PCDHGA6: variants seen among roughly 807,000 people sequenced by gnomAD.
The protein encoded by PCDHGA6 is protocadherin gamma-A6.
A neutral mutation model predicts 60.6 loss-of-function variants in PCDHGA6; 41 were observed. The observed-to-expected ratio is 0.68, with a 90% CI of 0.53 to 0.88. PCDHGA6 has a LOEUF of 0.88. PCDHGA6 is among the 40% of genes least tolerant of loss of function. PCDHGA6 has a pLI of 0.00. For missense variants in PCDHGA6, 1,312 were observed against 1,203.0 expected (o/e 1.09, Z -1.34); for synonymous variants, 594 against 524.4 (o/e 1.13, Z -1.81).
At chr5:141,384,278 A>T in intron 1 of PCDHGA6, 1 of 1,613,842 alleles carries the variant, frequency 6.2e-7, no homozygotes, top group Non-Finnish European at 8.5e-7. Context: ...TACTCAGTCT[A>T]CATCGCTGAG....
intron 1 of PCDHGA6, among the ~76,000 whole-genome samples, chr5:141,457,900 A>C (rs2098931922): frequency 6.7e-6 from 1 of 149,818 alleles, no homozygotes; most frequent in Admixed American, 6.6e-5. Context: ...CTGTGTAGAC[A>C]AGGTGTGAGG....
intron 1 of PCDHGA6, chr5:141,404,273 C>G (rs751189949): frequency 6.2e-7 from 1 of 1,613,870 alleles, no homozygotes; most frequent in African/African-American, 1.3e-5. Flanking sequence ...CATCACCCTG[C>G]AAGTGACTGA....
intron 1 of PCDHGA6, chr5:141,478,565 T>C (rs772519746): frequency 1.6e-5 from 25 of 1,593,862 alleles, no homozygotes; most frequent in Non-Finnish European, 2.0e-5. Flanking sequence ...TAGCAAGTCA[T>C]GCTTGACCCT....
At position 141,395,150 on chromosome 5, in the gene PCDHGA6, C is replaced by T. The variant is rs368875505; in HGVS notation, c.2424+18643C>T. ...CCCAGCCCAACTACGCAGACATGCT[C>T]ATCAGTCAGGAGGGCTGTGAGAAAA... On this transcript the variant is annotated intron_variant, in intron 1 of 3. Transcript: ENST00000517434. 8 of 1,614,044 alleles carry T rather than the reference C, an allele frequency of 5.0e-6. No individual in the cohort carries two copies. In the African/African-American group the frequency reaches 6.7e-5, roughly 13 times the overall value.
chr5:141,408,878 G>A lies in PCDHGA6; in HGVS notation c.2424+32371G>A. The stretch of plus-strand genomic sequence containing the variant: ...AGGGGACCCACCAAGAAGTGCCACC[G>A]CTCACATAGAAATTTCTGTCAAGGA... On this transcript the variant is annotated intron_variant, in intron 1 of 3. Coordinates refer to ENST00000517434, the MANE Select transcript of PCDHGA6 (RefSeq NM_018919.3). 1.9e-6 allele frequency: 3 copies of A among 1,613,048 alleles called. No homozygotes were observed. Among genetic ancestry groups the A allele is most frequent in the Non-Finnish European group, 1.7e-6 (2 of 1,179,590 alleles).
chr5:141,468,339 A>G (rs1320544911), intron 1 of PCDHGA6: 2 of 151,348 alleles, frequency 1.3e-5, no homozygotes, highest in Non-Finnish European at 2.9e-5. Context: ...TCAAAAAAAA[A>G]AAAAAAAAAA....
chr5:141,421,040 C>T (rs2096541229), intron 1 of PCDHGA6: 1 of 545,472 alleles, frequency 1.8e-6, no homozygotes, highest in East Asian at 3.1e-5. Context: ...GTCCCTCCCT[C>T]CCCCGCCTCT....
intron 1 of PCDHGA6, chr5:141,402,899 G>A: frequency 6.6e-7 from 1 of 1,516,814 alleles, no homozygotes; most frequent in Non-Finnish European, 8.8e-7. Context: ...GAAAGAACCT[G>A]ATGAAGCAGC....
rs1562144438 is a variant in PCDHGA6, at chr5:141,491,135, G to T, written c.2425-3672G>T. The T allele has an allele frequency of 6.2e-7, 1 of 1,613,986 alleles. No individual in the cohort carries two copies. Among genetic ancestry groups the T allele is most frequent in the Non-Finnish European group, 8.5e-7 (1 of 1,180,000 alleles). On this transcript the variant is annotated intron_variant, in intron 1 of 3. Transcript: ENST00000517434. This position sits in a 1 kb window ranked among gnomAD's most constrained non-coding sequence, Gnocchi z 6.9. ...CACACTGGTGAGGTGCGCACAGCCC[G>T]GGCCTTACTGGAGGATGACTCTGAC...
intron 1 of PCDHGA6, chr5:141,441,823 C>T (rs538052540): frequency 3.9e-5 from 14 of 357,336 alleles, no homozygotes; most frequent in Non-Finnish European, 6.6e-5. Context: ...AGCTCTGGAG[C>T]GCAATGGCTT....
chr5:141,389,993 G>GCTCT (rs1379154076), intron 1 of PCDHGA6: 4 of 1,614,016 alleles, frequency 2.5e-6, no homozygotes, highest in Non-Finnish European at 2.5e-6. Flanking sequence ...TCTTCCTCGT[G>GCTCT]GCCATGATTC....
chr5:141,417,550 A>G, intron 1 of PCDHGA6: 1 of 326,094 alleles, frequency 3.1e-6, no homozygotes, highest in Non-Finnish European at 5.5e-6. Flanking sequence ...ATTCCTTGAA[A>G]GAGGTAGAGA....
At chr5:141,499,115 C>T (rs940275925) in intron 2 of PCDHGA6, among the ~76,000 whole-genome samples, 16 of 152,124 alleles carry the variant, frequency 1.1e-4, no homozygotes, top group African/African-American at 3.9e-4. Context: ...CACCACTATC[C>T]CTTCTCAGGT....
chr5:141,480,578 A>G (rs1343189182), intron 1 of PCDHGA6, among the ~76,000 whole-genome samples: 1 of 133,254 alleles, frequency 7.5e-6, no homozygotes, highest in Admixed American at 7.4e-5. Context: ...GCAAGAAATA[A>G]CTGCCGCTCT....
intron 1 of PCDHGA6, chr5:141,394,604 C>G: frequency 6.2e-7 from 1 of 1,613,590 alleles, no homozygotes. Context: ...TGGACAGAGA[C>G]TCGGGCCAGA....
At chr5:141,387,843 G>A in intron 1 of PCDHGA6, 5 of 1,597,072 alleles carry the variant, frequency 3.1e-6, no homozygotes, top group Admixed American at 1.7e-5. Flanking sequence ...TTTGTAACCC[G>A]GCGTCTCCAG....
intron 1 of PCDHGA6, chr5:141,399,835 C>T (rs756646382): frequency 1.2e-6 from 2 of 1,613,164 alleles, no homozygotes; most frequent in South Asian, 2.2e-5. Flanking sequence ...CGGCTCTGCG[C>T]TCTTCGATAT....
chr5:141,482,530 C>CAAAAAAAAAAAAAAAAAA (rs3074545), intron 1 of PCDHGA6, among the ~76,000 whole-genome samples: 1 of 76,562 alleles, frequency 1.3e-5, no homozygotes, highest in Non-Finnish European at 2.6e-5. Flanking sequence ...GACAGACATG[C>CAAAAAAAAAAAAAAAAAA]AAAAAAAAAA....
intron 1 of PCDHGA6, among the ~76,000 whole-genome samples, chr5:141,448,985 A>G (rs2098621528): frequency 6.6e-6 from 1 of 152,026 alleles, no homozygotes; most frequent in South Asian, 2.1e-4. Context: ...TTCCATATTA[A>G]TATATAGAAA....
Sources: gnomAD v4.1 joint callset for allele counts (sites outside exome capture counted in the v4.1 genomes callset) on GRCh38, gnomAD v4.1.1 for gene constraint, Gnocchi (gnomAD v3.1) non-coding constraint, MANE v1.5 for transcripts, NCBI Gene and HGNC (gene_info 2026-07-23, HGNC 2026-07-21) for gene names.